MTNAP1: variants seen among roughly 807,000 people sequenced by gnomAD.
The protein encoded by MTNAP1 is mitochondrial nucleoid-associated protein 1.
chr17:73,234,071 C>T, the MTNAP1 span, among the ~76,000 whole-genome samples: 4 of 152,044 alleles, frequency 2.6e-5, no homozygotes, highest in African/African-American at 9.7e-5. Flanking sequence ...AAGATATTAT[C>T]AGTTGTAGTA....
At chr17:73,238,311 T>C in the MTNAP1 span, among the ~76,000 whole-genome samples, 1 of 151,744 alleles carries the variant, frequency 6.6e-6, no homozygotes, top group Non-Finnish European at 1.5e-5. Flanking sequence ...CTGTCGTGTG[T>C]AGTGGCCATT....
At chr17:73,245,678 G>C in the MTNAP1 span, 1 of 985,294 alleles carries the variant, frequency 1.0e-6, no homozygotes, top group Admixed American at 6.1e-5. Flanking sequence ...ACCAGATCTT[G>C]ATAAGGTGTG....
the MTNAP1 span, chr17:73,235,758 C>T: frequency 2.5e-6 from 4 of 1,614,170 alleles, no homozygotes; most frequent in South Asian, 2.2e-5. Flanking sequence ...CAGTGAAGAC[C>T]TTTCCACTGC....
the MTNAP1 span, chr17:73,236,998 A>T: frequency 3.3e-6 from 5 of 1,537,004 alleles, no homozygotes; most frequent in Non-Finnish European, 4.4e-6. Flanking sequence ...CTCACAAGGT[A>T]AACAAGCTTA....
At chr17:73,242,970 G>T in the MTNAP1 span, 1 of 1,613,676 alleles carries the variant, frequency 6.2e-7, no homozygotes, top group Non-Finnish European at 8.5e-7. Context: ...AGGATACTTC[G>T]TCCTGTGTTG....
the MTNAP1 span, chr17:73,247,285 T>G: frequency 2.5e-6 from 4 of 1,614,054 alleles, no homozygotes; most frequent in Non-Finnish European, 3.4e-6. Flanking sequence ...AGTACCTCCA[T>G]GCATTGGTGT....
chr17:73,234,773 C>CTGTGTGTGTGTGTGTGTGTGTGTGTG, the MTNAP1 span, among the ~76,000 whole-genome samples: 8,781 of 145,704 alleles, frequency 0.06, 347 homozygotes, highest in East Asian at 0.11. Context: ...TTATGTATAT[C>CTGTGTGTGTGTGTGTGTGTGTGTGTG]TGTGTGTGTG....
At chr17:73,247,451 G>A in the MTNAP1 span, 1 of 1,091,564 alleles carries the variant, frequency 9.2e-7, no homozygotes. Context: ...TAGCATTAAG[G>A]GATAGCTTTT....
chr17:73,245,475 AAGG>A, the MTNAP1 span: 2 of 1,103,718 alleles, frequency 1.8e-6, no homozygotes, highest in Admixed American at 4.9e-5. Context: ...GTTGTTATTC[AAGG>A]AGATGTGAAG....
chr17:73,234,206 T>TTATAGAAAGAATAAGAGA, the MTNAP1 span, among the ~76,000 whole-genome samples: 2 of 152,320 alleles, frequency 1.3e-5, no homozygotes, highest in South Asian at 4.1e-4. Context: ...CTCTGGAACT[T>TTATAGAAAGAATAAGAGA]TATAGAAAGA....
the MTNAP1 span, chr17:73,245,234 G>T: frequency 6.2e-7 from 1 of 1,611,264 alleles, no homozygotes; most frequent in South Asian, 1.1e-5. Context: ...AGCAAAGGGC[G>T]TACAGTGGAG....
the MTNAP1 span, chr17:73,248,941 T>C: frequency 1.2e-3 from 208 of 166,894 alleles, 2 homozygotes; most frequent in African/African-American, 4.7e-3. Flanking sequence ...ATAATAAAAT[T>C]ATTTGTAAAA....
chr17:73,247,529 C>G, the MTNAP1 span: 2 of 561,524 alleles, frequency 3.6e-6, no homozygotes, highest in African/African-American at 3.8e-5. Flanking sequence ...TTGTCATAAT[C>G]AGGGTGCTGA....
At chr17:73,236,125 G>C in the MTNAP1 span, 1 of 1,614,076 alleles carries the variant, frequency 6.2e-7, no homozygotes, top group Non-Finnish European at 8.5e-7. Flanking sequence ...CCAAAGACAG[G>C]AACTTCTAGT....
chr17:73,232,644 G>A, the MTNAP1 span: 143 of 255,178 alleles, frequency 5.6e-4, no homozygotes, highest in African/African-American at 2.5e-3. Flanking sequence ...CTTGGCCGGG[G>A]GTTGGGCAGG....
chr17:73,248,442 T>A, the MTNAP1 span: 39 of 1,493,856 alleles, frequency 2.6e-5, no homozygotes, highest in African/African-American at 2.9e-4. Flanking sequence ...GTAAAAGTCG[T>A]GTTCTGCCCT....
chr17:73,245,718 G>A, the MTNAP1 span: 27 of 985,236 alleles, frequency 2.7e-5, no homozygotes, highest in Middle Eastern at 5.2e-4. Flanking sequence ...ATGGGCATTC[G>A]AGTTGCAGGT....
the MTNAP1 span, among the ~76,000 whole-genome samples, chr17:73,244,977 T>C: frequency 6.6e-6 from 1 of 152,140 alleles, no homozygotes; most frequent in African/African-American, 2.4e-5. Context: ...TTTACCAGTC[T>C]GAAAGGGATT....
chr17:73,245,816 C>A, the MTNAP1 span: 2 of 710,110 alleles, frequency 2.8e-6, no homozygotes, highest in Non-Finnish European at 3.5e-6. Context: ...TTTTATACAT[C>A]TTAATTGAGT....
Sources: allele counts gnomAD v4.1 joint callset (sites outside exome capture counted in the v4.1 genomes callset), GRCh38; gene constraint gnomAD v4.1.1; transcripts MANE v1.5; gene names NCBI Gene and HGNC (gene_info 2026-07-23, HGNC 2026-07-21).